The following PPP6R2 variants were observed in gnomAD, a reference collection of about 807,000 sequenced individuals.
PPP6R2 encodes the protein serine/threonine-protein phosphatase 6 regulatory subunit 2.
In PPP6R2, 62 loss-of-function variants were observed where a neutral mutation model predicts 100.2. The ratio of observed to expected loss-of-function variants is 0.62; its 90% CI spans 0.50 to 0.76. The LOEUF (loss-of-function observed/expected upper bound fraction) is 0.76, where lower values mean the gene tolerates loss of function less well. PPP6R2 is among the 30% of genes least tolerant of loss of function. The probability of loss-of-function intolerance (pLI) is 0.00; values close to 1 mark genes in which losing one functional copy is unlikely to be tolerated. For missense variants in PPP6R2, 1,142 were observed against 1,276.3 expected (o/e 0.89, Z 1.60); for synonymous variants, 525 against 514.7 (o/e 1.02, Z -0.27).
chr22:50,397,176 G>A (rs1012966529), intron 3 of PPP6R2, among the ~76,000 whole-genome samples: 2 of 152,150 alleles, frequency 1.3e-5, no homozygotes, highest in Non-Finnish European at 2.9e-5. Flanking sequence ...CCGTAAGTAA[G>A]CAAAGATGCC....
At chr22:50,332,380 A>G in the PPP6R2 span, among the ~76,000 whole-genome samples, 1 of 151,640 alleles carries the variant, frequency 6.6e-6, no homozygotes, top group South Asian at 2.1e-4. Context: ...ACAGGTGCCC[A>G]CCACCACACC....
At chr22:50,335,599 C>T in the PPP6R2 span, among the ~76,000 whole-genome samples, 1 of 151,444 alleles carries the variant, frequency 6.6e-6, no homozygotes, top group Non-Finnish European at 1.5e-5. Flanking sequence ...GCAACTTCCA[C>T]CTCCTGGGTT....
chr22:50,331,415 A>G, the PPP6R2 span, among the ~76,000 whole-genome samples: 1 of 152,098 alleles, frequency 6.6e-6, no homozygotes, highest in African/African-American at 2.4e-5. Flanking sequence ...TCCACTAGGA[A>G]TGTATAAAGG....
At chr22:50,366,934 G>C (rs555204343) in intron 1 of PPP6R2, among the ~76,000 whole-genome samples, 6 of 151,898 alleles carry the variant, frequency 4.0e-5, no homozygotes, top group Admixed American at 2.6e-4. Flanking sequence ...ACCCTTCACT[G>C]CCTGGCGTCC....
rs529020147 is a variant in PPP6R2, at chr22:50,414,680, C to T, written c.543C>T (p.Asp181=). 54 of 1,610,376 alleles carry T rather than the reference C, an allele frequency of 3.4e-5. No individual in the cohort carries two copies. Among genetic ancestry groups the T allele is most frequent in the African/African-American group, 9.4e-5 (7 of 74,288 alleles). The change falls in exon 5 of 24, where the codon GAC becomes GAT. Residue 181 remains aspartate, a synonymous_variant. Coordinates refer to ENST00000612753, the MANE Select transcript of PPP6R2 (RefSeq NM_001242898.2). ...TGGAGCCAGCCGGGCTCCGGCAGGA[C>T]GTCCTGCACGTGAGTGCGGGAGTCC... ...SCVEPAGLRQ[D]VLHWLNEEKV...
intron 2 of PPP6R2, among the ~76,000 whole-genome samples, chr22:50,380,248 T>A (rs908705653): frequency 4.0e-5 from 6 of 151,758 alleles, no homozygotes; most frequent in African/African-American, 1.5e-4. Context: ...TTTTTTGGTA[T>A]TTTTAGTAGA....
chr22:50,367,862 A>G (rs966296356), intron 1 of PPP6R2, among the ~76,000 whole-genome samples: 5 of 152,130 alleles, frequency 3.3e-5, no homozygotes, highest in Non-Finnish European at 7.4e-5. Flanking sequence ...CACTACTACC[A>G]AGACACGGAG....
chr22:50,409,010 A>G (rs1386226800), intron 4 of PPP6R2, among the ~76,000 whole-genome samples: 2 of 152,202 alleles, frequency 1.3e-5, no homozygotes, highest in Non-Finnish European at 2.9e-5. Context: ...GCTACTCAGG[A>G]GGCTGAGGCA....
intron 12 of PPP6R2, 53 bp downstream of exon 12, chr22:50,432,382 A>T: frequency 6.8e-7 from 1 of 1,474,016 alleles, no homozygotes; most frequent in Non-Finnish European, 9.3e-7. Context: ...AGGGATGCAG[A>T]GACGCACCTC....
chr22:50,353,831 T>TA (rs2045857977), intron 1 of PPP6R2, among the ~76,000 whole-genome samples: 1 of 151,816 alleles, frequency 6.6e-6, no homozygotes, highest in African/African-American at 2.4e-5. Context: ...TTTTTTTTTT[T>TA]TGTTAAGGGA....
chr22:50,332,660 T>A, the PPP6R2 span, among the ~76,000 whole-genome samples: 1 of 151,068 alleles, frequency 6.6e-6, no homozygotes, highest in African/African-American at 2.4e-5. Context: ...AGTCTCGCTC[T>A]GTCACCAGGC....
chr22:50,394,234 A>T (rs1234677026), intron 3 of PPP6R2, 99 bp downstream of exon 3: 3 of 1,492,408 alleles, frequency 2.0e-6, no homozygotes, highest in Non-Finnish European at 2.7e-6. Context: ...TTTCTGATGA[A>T]GAAGCGAGCC....
At chr22:50,368,249 C>T (rs1016041194) in intron 1 of PPP6R2, among the ~76,000 whole-genome samples, 1 of 152,188 alleles carries the variant, frequency 6.6e-6, no homozygotes, top group Admixed American at 6.5e-5. Flanking sequence ...TCAGGCCTTC[C>T]ACAGGAGGTG....
Position 50,394,051 on chromosome 22 carries a change from T to G in PPP6R2, c.143T>G (p.Leu48Arg). The change falls in exon 3 of 24, where the codon CTG (leucine) becomes CGG (arginine). Residue 48 changes from leucine (L) to arginine (R), a missense_variant. Physicochemically the swap from Leu to Arg is moderately radical, Grantham distance 102. Coordinates refer to ENST00000612753, the MANE Select transcript of PPP6R2 (RefSeq NM_001242898.2). ...KAQNQKLLDF[L>R]CRQQCMEELV... ...CAGAACCAGAAGCTGCTGGACTTCC[T>G]GTGCAGGCAGCAGTGCATGGAGGAG... 1 of 1,614,202 alleles carries G rather than the reference T, an allele frequency of 6.2e-7. No homozygotes were observed. The highest frequency in any genetic ancestry group is 8.5e-7 in the Non-Finnish European group (1 of 1,180,026).
At chr22:50,369,214 G>C (rs982221925) in intron 1 of PPP6R2, among the ~76,000 whole-genome samples, 1 of 150,968 alleles carries the variant, frequency 6.6e-6, no homozygotes, top group Non-Finnish European at 1.5e-5. Context: ...CTCCAGCCTG[G>C]GCAACAAGAG....
chr22:50,341,082 TTA>T (rs2042364831), upstream of PPP6R2, among the ~76,000 whole-genome samples: 1 of 152,004 alleles, frequency 6.6e-6, no homozygotes, highest in Non-Finnish European at 1.5e-5. Context: ...GGTTAATTTT[TTA>T]TATGTTTAGT....
intron 10 of PPP6R2, among the ~76,000 whole-genome samples, chr22:50,427,772 G>C (rs962790993): frequency 6.6e-6 from 1 of 152,118 alleles, no homozygotes; most frequent in Admixed American, 6.6e-5. Context: ...CCAGGCTGGA[G>C]TGCAGTGGCG....
At position 50,419,331 on chromosome 22, in the gene PPP6R2, T is replaced by C. The variant is rs2060992892; in HGVS notation, c.732-18T>C. On this transcript the variant is annotated intron_variant, in intron 7 of 23. Transcript: ENST00000612753. The stretch of plus-strand genomic sequence containing the variant: ...GTGTCTGCTCTGCCAGGCAGTGACC[T>C]CTGTGTGTGTCCAGCAGGCAGGACT... 1 of 1,606,842 alleles carries C rather than the reference T, an allele frequency of 6.2e-7. No homozygotes were observed. Among genetic ancestry groups the C allele is most frequent in the African/African-American group, 1.3e-5 (1 of 74,772 alleles).
chr22:50,339,208 TGTGTGTGTAGG>T (rs2042339960), upstream of PPP6R2, among the ~76,000 whole-genome samples: 1 of 133,990 alleles, frequency 7.5e-6, no homozygotes, highest in African/African-American at 2.9e-5. Context: ...TTGTATGTGG[TGTGTGTGTAGG>T]GTGTGTGGTG....
Sources: allele counts gnomAD v4.1 joint callset (sites outside exome capture counted in the v4.1 genomes callset), GRCh38; gene constraint gnomAD v4.1.1; transcripts MANE v1.5; gene names NCBI Gene and HGNC (gene_info 2026-07-23, HGNC 2026-07-21).